Variants in TMEM108 observed in about 807,000 individuals in gnomAD.
TMEM108 encodes the protein transmembrane protein 108.
A neutral mutation model predicts 35.1 loss-of-function variants in TMEM108; 12 were observed. That is an observed-to-expected ratio of 0.34 (90% confidence interval 0.22 to 0.55). The LOEUF is 0.55. TMEM108 is among the 20% of genes least tolerant of loss of function. The probability of loss-of-function intolerance (pLI) is 0.89; values close to 1 mark genes in which losing one functional copy is unlikely to be tolerated. For missense variants in TMEM108, 680 were observed against 753.3 expected (o/e 0.90, Z 1.14); for synonymous variants, 287 against 308.6 (o/e 0.93, Z 0.73).
intron 3 of TMEM108, among the ~76,000 whole-genome samples, chr3:133,315,338 G>T (rs2071184166): frequency 6.6e-6 from 1 of 152,132 alleles, no homozygotes. Flanking sequence ...AGGTCCCTGG[G>T]GAGGGTCCCT....
intron 3 of TMEM108, among the ~76,000 whole-genome samples, chr3:133,312,015 C>A (rs908915533): frequency 5.9e-5 from 9 of 152,230 alleles, no homozygotes; most frequent in African/African-American, 1.9e-4. Flanking sequence ...CACTCCAGAC[C>A]CTGTTTGCCT....
intron 3 of TMEM108, among the ~76,000 whole-genome samples, chr3:133,300,205 A>G (rs1446702282): frequency 6.6e-6 from 1 of 152,090 alleles, no homozygotes; most frequent in Non-Finnish European, 1.5e-5. Context: ...GGTCCTGACC[A>G]CATTTAAGAA....
intron 2 of TMEM108, among the ~76,000 whole-genome samples, chr3:133,141,343 C>G (rs1388466208): frequency 6.6e-6 from 1 of 152,092 alleles, no homozygotes; most frequent in Non-Finnish European, 1.5e-5. Flanking sequence ...TAGGGCTGTA[C>G]TAGAACTCAT....
rs1559916978 is a variant in TMEM108 at position 133,346,996 on chromosome 3, G to C, written c.41-32756G>C. On this transcript the variant is annotated intron_variant, in intron 3 of 5. Transcript: ENST00000321871. The surrounding 1 kb of genome is among the most constrained non-coding windows in gnomAD (Gnocchi z 4.0). ...GGACCCTATTCTGTTCTGTTGATCA[G>C]TTTCTCTGTTCTTTCATCAGTATTA... Among the ~76,000 whole-genome samples, 1 of 152,046 alleles carries C rather than the reference G, an allele frequency of 6.6e-6. No homozygotes were observed. Among genetic ancestry groups the C allele is most frequent in the South Asian group, 2.1e-4 (1 of 4,832 alleles).
chr3:133,371,267 A>G (rs1266802136), intron 3 of TMEM108, among the ~76,000 whole-genome samples: 1 of 152,102 alleles, frequency 6.6e-6, no homozygotes, highest in Non-Finnish European at 1.5e-5. Context: ...TTTTGCTCAT[A>G]AGTCTGTAGC....
chr3:133,083,271 A>G (rs2107699870), intron 2 of TMEM108, among the ~76,000 whole-genome samples: 1 of 146,920 alleles, frequency 6.8e-6, no homozygotes, highest in African/African-American at 2.5e-5. Context: ...GCACATTGTG[A>G]TGGCACTGGA....
intron 2 of TMEM108, among the ~76,000 whole-genome samples, chr3:133,222,326 C>T (rs931725065): frequency 1.3e-5 from 2 of 152,080 alleles, no homozygotes; most frequent in African/African-American, 4.8e-5. Context: ...TTTTCTCTTG[C>T]TGCTTTCAGG....
intron 3 of TMEM108, among the ~76,000 whole-genome samples, chr3:133,342,073 ATAAT>A (rs1417292281): frequency 2.6e-5 from 4 of 151,986 alleles, no homozygotes; most frequent in African/African-American, 9.7e-5. Context: ...AGCAAAAGAA[ATAAT>A]TAATAAAGTG....
intron 3 of TMEM108, among the ~76,000 whole-genome samples, chr3:133,292,962 T>G (rs1279581948): frequency 3.9e-5 from 6 of 152,206 alleles, no homozygotes. Context: ...CTTTTATTTC[T>G]GAGACCAGGA....
chr3:133,354,205 T>A (rs921990592), intron 3 of TMEM108, among the ~76,000 whole-genome samples: 1 of 152,178 alleles, frequency 6.6e-6, no homozygotes, highest in Non-Finnish European at 1.5e-5. Context: ...ATGAAAGACA[T>A]ACATCACAGA....
chr3:133,286,576 A>G (rs189619312), intron 3 of TMEM108, among the ~76,000 whole-genome samples: 2 of 152,288 alleles, frequency 1.3e-5, no homozygotes, highest in South Asian at 2.1e-4. Flanking sequence ...GGCTCAAGCA[A>G]TCTTCCCGCC....
At chr3:133,167,670 C>T (rs549480801) in intron 2 of TMEM108, among the ~76,000 whole-genome samples, 3 of 152,350 alleles carry the variant, frequency 2.0e-5, no homozygotes, top group East Asian at 1.9e-4. Context: ...CCAGTGCCAC[C>T]GGCCGACCGC....
intron 2 of TMEM108, among the ~76,000 whole-genome samples, chr3:133,132,562 T>C (rs758284635): frequency 2.4e-4 from 36 of 152,156 alleles, no homozygotes; most frequent in Non-Finnish European, 4.0e-4. Flanking sequence ...TTATTGCTCA[T>C]TGACAATACA....
chr3:133,184,372 A>G (rs1945390562), intron 2 of TMEM108, among the ~76,000 whole-genome samples: 1 of 152,188 alleles, frequency 6.6e-6, no homozygotes, highest in East Asian at 1.9e-4. Flanking sequence ...TGGTTTTCCA[A>G]TTAGAGTTTT....
chr3:133,397,359 A>G lies in TMEM108; in HGVS notation c.*1373A>G, dbSNP rs1007865714. 2 of 151,532 alleles carry G rather than the reference A, an allele frequency of 1.3e-5. No homozygotes were observed. Among genetic ancestry groups the G allele is most frequent in the African/African-American group, 2.4e-5 (1 of 40,946 alleles). The allele number at this position is 151,532 out of a possible 1,614,324, so 9.4% of individuals were successfully genotyped here. A position where few individuals can be genotyped will look rare whatever the true frequency, so the allele number is the denominator to read the frequency against. On this transcript the variant is annotated 3_prime_UTR_variant, in exon 6 of 6. Transcript: ENST00000321871. ...TATGTTTGTGTTGTTGCTGTAGTCT[A>G]TCATGACTTTTTTCTTTCTGCATTT... is the stretch of plus-strand genomic sequence containing the variant.
chr3:133,278,541 A>G (rs1162644757), intron 3 of TMEM108, among the ~76,000 whole-genome samples: 2 of 152,258 alleles, frequency 1.3e-5, no homozygotes, highest in Non-Finnish European at 2.9e-5. Flanking sequence ...CCTACGCTCT[A>G]TGGAATAGCC....
chr3:133,320,546 A>G (rs1316557008), intron 3 of TMEM108, among the ~76,000 whole-genome samples: 1 of 152,232 alleles, frequency 6.6e-6, no homozygotes, highest in African/African-American at 2.4e-5. Context: ...TGTAAGAATA[A>G]TTGGTGTTCC....
At chr3:133,079,869 T>C (rs543159758) in intron 2 of TMEM108, among the ~76,000 whole-genome samples, 14 of 152,256 alleles carry the variant, frequency 9.2e-5, no homozygotes, top group Admixed American at 9.2e-4. Flanking sequence ...TAGGTATGCC[T>C]TCTCTTCAAG....
At chr3:133,054,688 A>G (rs1370881732) in intron 2 of TMEM108, among the ~76,000 whole-genome samples, 1 of 152,194 alleles carries the variant, frequency 6.6e-6, no homozygotes, top group Non-Finnish European at 1.5e-5. Flanking sequence ...ATGCATTCTA[A>G]TACTGCAGAA....
Sources: gnomAD v4.1 joint callset for allele counts (sites outside exome capture counted in the v4.1 genomes callset) on GRCh38, gnomAD v4.1.1 for gene constraint, Gnocchi (gnomAD v3.1) non-coding constraint, MANE v1.5 for transcripts, NCBI Gene and HGNC (gene_info 2026-07-23, HGNC 2026-07-21) for gene names.